RBM27: variants seen among roughly 807,000 people sequenced by gnomAD.
RBM27 encodes the protein RNA-binding protein 27.
In RBM27, 22 loss-of-function variants were observed where a neutral mutation model predicts 135.3. That is an observed-to-expected ratio of 0.16 (90% confidence interval 0.12 to 0.23). The LOEUF (loss-of-function observed/expected upper bound fraction) is 0.23, where lower values mean the gene tolerates loss of function less well. RBM27 is among the 10% of genes least tolerant of loss of function. The pLI, the probability that RBM27 is intolerant of heterozygous loss-of-function variation, is 1.00. For synonymous variants in RBM27, 481 were observed against 442.4 expected (o/e 1.09, Z -1.10); for missense variants, 1,009 against 1,281.0 (o/e 0.79, Z 3.24).
At position 146,203,629 on chromosome 5, in the gene RBM27, G is replaced by A. The variant is rs1755478311; in HGVS notation, c.-137G>A. The stretch of plus-strand genomic sequence containing the variant: ...TAGTTCCTGTTAGGCCCCGGCCGGG[G>A]GAGTAGGTTGAAGTCTCCTAAGATG... On this transcript the variant is annotated 5_prime_UTR_variant, in exon 1 of 21. Transcript: ENST00000265271. 5.3e-6 allele frequency: 4 copies of A among 750,290 alleles called. No homozygotes were observed. The highest frequency in any genetic ancestry group is 8.9e-6 in the Non-Finnish European group (4 of 448,902). 46.5% of individuals were successfully genotyped at this position (750,290 alleles called of 1,614,324 possible). A position where few individuals can be genotyped will look rare whatever the true frequency, so the allele number is the denominator to read the frequency against.
rs763408119 is a variant in RBM27 at position 146,258,635 on chromosome 5, C to T, written c.1739+42C>T. The T allele has an allele frequency of 1.7e-5, 24 of 1,431,094 alleles. No individual in the cohort carries two copies. The South Asian group carries it at 2.6e-4, about 15-fold the overall frequency. 88.6% of individuals were successfully genotyped at this position (1,431,094 alleles called of 1,614,324 possible). A position where few individuals can be genotyped will look rare whatever the true frequency, so the allele number is the denominator to read the frequency against. ...ATTAGTAGCATCTAATTGTTATTGT[C>T]GTTTGCATTGGTAAATTCATAAAAA... On this transcript the variant is annotated intron_variant, in intron 11 of 20. Coordinates refer to ENST00000265271, the MANE Select transcript of RBM27 (RefSeq NM_018989.2).
intron 15 of RBM27, 103 bp downstream of exon 15, chr5:146,267,871 C>A: frequency 1.8e-6 from 2 of 1,120,350 alleles, no homozygotes; most frequent in Non-Finnish European, 1.3e-6. Context: ...CAGGGCATAA[C>A]ATCATAATGC....
intron 11 of RBM27, 32 bp downstream of exon 11, chr5:146,258,625 T>C: frequency 6.7e-7 from 1 of 1,490,402 alleles, no homozygotes; most frequent in Non-Finnish European, 8.9e-7. Flanking sequence ...TAGCATCTAA[T>C]TGTTATTGTC....
chr5:146,222,776 G>A (rs1756511625), intron 2 of RBM27, among the ~76,000 whole-genome samples: 1 of 152,210 alleles, frequency 6.6e-6, no homozygotes, highest in Non-Finnish European at 1.5e-5. Flanking sequence ...GTCTGAGGAA[G>A]TTTCAAACAG....
Position 146,210,863 on chromosome 5 carries a change from C to T in RBM27, c.59+7039C>T, listed in dbSNP as rs192667573. 2.5e-3 allele frequency among the ~76,000 whole-genome samples: 383 copies of T among 151,970 alleles called. 4 individuals are homozygous for T. Among genetic ancestry groups the T allele is most frequent in the African/African-American group, 8.9e-3 (367 of 41,440 alleles). On this transcript the variant is annotated intron_variant, in intron 1 of 20. Transcript: ENST00000265271. ...TCAGGTGGCTGAGGCAGGAGAATGACGTGAACCTGGGAGGCGGAGGTTGCA... is the reference window on the plus strand; with the variant it reads ...TCAGGTGGCTGAGGCAGGAGAATGATGTGAACCTGGGAGGCGGAGGTTGCA...
intron 8 of RBM27, among the ~76,000 whole-genome samples, chr5:146,247,115 C>T (rs947791031): frequency 6.6e-6 from 1 of 152,134 alleles, no homozygotes; most frequent in African/African-American, 2.4e-5. Flanking sequence ...CCTCCAGCCT[C>T]AGCCTCTCAA....
rs545963169 is a variant in RBM27 at position 146,217,464 on chromosome 5, G to GTTTT, written c.60-1497_60-1494dup. ...GATTGATACTCTTGAGCTGAAGCCT[G>GTTTT]TTTTTTTTTTTTTTTTTTTTTTTTT... On this transcript the variant is annotated intron_variant, in intron 1 of 20. Transcript: ENST00000265271. Among the ~76,000 whole-genome samples, 225 of 70,772 alleles carry GTTTT rather than the reference G, an allele frequency of 3.2e-3. 35 individuals are homozygous for GTTTT. Among genetic ancestry groups the GTTTT allele is most frequent in the African/African-American group, 0.012 (204 of 16,496 alleles). The allele number at this position is 70,772 out of a possible 152,430, so 46.4% of individuals were successfully genotyped here. A position where few individuals can be genotyped will look rare whatever the true frequency, so the allele number is the denominator to read the frequency against.
In RBM27 at chr5:146,267,632, TTTTC is replaced by T; in HGVS notation, c.2332-13_2332-10del. 5 of 1,482,564 alleles carry T rather than the reference TTTTC, an allele frequency of 3.4e-6. No homozygotes were observed. Among genetic ancestry groups the T allele is most frequent in the Non-Finnish European group, 4.6e-6 (5 of 1,087,482 alleles). 91.8% of individuals were successfully genotyped at this position (1,482,564 alleles called of 1,614,324 possible). Reference sequence around the variant, plus strand: ...AATTATATTTGTGTGTGCTTTTTTTTTTTCTTTATTTTTTAGATATTTTCAACTC... The same window carrying T: ...AATTATATTTGTGTGTGCTTTTTTTTTTTATTTTTTAGATATTTTCAACTC... On this transcript the variant is annotated splice_polypyrimidine_tract_variant and intron_variant, in intron 14 of 20. Coordinates refer to ENST00000265271, the MANE Select transcript of RBM27 (RefSeq NM_018989.2).
intron 19 of RBM27, among the ~76,000 whole-genome samples, chr5:146,277,014 G>C (rs996614626): frequency 2.6e-5 from 4 of 152,174 alleles, no homozygotes; most frequent in African/African-American, 9.7e-5. Flanking sequence ...CTGTGTTCAG[G>C]GTTCTTCAGG....
intron 2 of RBM27, among the ~76,000 whole-genome samples, chr5:146,222,375 A>G (rs1581152617): frequency 6.6e-6 from 1 of 152,224 alleles, no homozygotes; most frequent in Non-Finnish European, 1.5e-5. Context: ...AATCAAAGTT[A>G]TTTAGATTTG....
At chr5:146,241,940 T>C (rs952697587) in intron 8 of RBM27, among the ~76,000 whole-genome samples, 1 of 152,160 alleles carries the variant, frequency 6.6e-6, no homozygotes, top group Non-Finnish European at 1.5e-5. Context: ...ATAATCTTTT[T>C]AAAAATTTAT....
At chr5:146,234,181 T>C (rs897385520) in intron 7 of RBM27, among the ~76,000 whole-genome samples, 6 of 152,160 alleles carry the variant, frequency 3.9e-5, no homozygotes, top group Non-Finnish European at 1.5e-5. Context: ...GGAAAGCCAG[T>C]TTTTAAGATG....
At chr5:146,244,900 G>T (rs1416325155) in intron 8 of RBM27, among the ~76,000 whole-genome samples, 6 of 151,770 alleles carry the variant, frequency 4.0e-5, no homozygotes, top group Non-Finnish European at 8.8e-5. Flanking sequence ...TAGAAATAGG[G>T]TCTTGCTCTG....
intron 1 of RBM27, among the ~76,000 whole-genome samples, chr5:146,216,653 C>T (rs183224703): frequency 1.7e-4 from 26 of 152,148 alleles, no homozygotes; most frequent in Admixed American, 1.7e-3. Context: ...AAAATCTTTA[C>T]TTTCTTTTAT....
intron 19 of RBM27, 93 bp downstream of exon 19, chr5:146,271,767 A>C: frequency 9.0e-7 from 1 of 1,113,220 alleles, no homozygotes. Flanking sequence ...TGTTTTATAG[A>C]TTAGAAAAAT....
chr5:146,223,442 A>G lies in RBM27; in HGVS notation c.218A>G (p.Tyr73Cys), dbSNP rs912153682. ...GFVDKLFESLYTKNYLPLLEP... is the reference protein window; with the variant it reads ...GFVDKLFESLCTKNYLPLLEP... The stretch of plus-strand genomic sequence containing the variant: ...GTGGACAAACTATTTGAAAGTCTCT[A>G]TACTAAGAACTACCTTCCACTTTTG... The change falls in exon 3 of 21, where the codon TAT becomes TGT. Residue 73 changes from tyrosine (Y) to cysteine (C), a missense_variant. Tyr to Cys is a radical substitution (Grantham distance 194). Around this residue, in one of 6 missense-constraint regions of RBM27, gnomAD observed 268 missense variants for 326.6 expected, o/e 0.82. Coordinates refer to ENST00000265271, the MANE Select transcript of RBM27 (RefSeq NM_018989.2). The G allele has an allele frequency of 2.3e-5, 37 of 1,610,848 alleles. No individual in the cohort carries two copies. The highest frequency in any genetic ancestry group is 3.0e-5 in the Non-Finnish European group (35 of 1,178,682).
At chr5:146,248,736 A>T (rs1422650519) in intron 8 of RBM27, among the ~76,000 whole-genome samples, 1 of 152,082 alleles carries the variant, frequency 6.6e-6, no homozygotes, top group Non-Finnish European at 1.5e-5. Flanking sequence ...AAAGTGCTGT[A>T]ATCACAGGTG....
At chr5:146,217,263 G>A (rs1320582083) in intron 1 of RBM27, among the ~76,000 whole-genome samples, 2 of 152,010 alleles carry the variant, frequency 1.3e-5, no homozygotes, top group African/African-American at 4.8e-5. Flanking sequence ...CACCGTGCCC[G>A]GCCAGGTGAA....
intron 15 of RBM27, among the ~76,000 whole-genome samples, chr5:146,268,526 G>A (rs192239609): frequency 1.3e-5 from 2 of 152,260 alleles, no homozygotes; most frequent in East Asian, 3.9e-4. Flanking sequence ...ACAGGTGTGA[G>A]CCACTATGCC....
Sources: gnomAD v4.1 joint callset for allele counts (sites outside exome capture counted in the v4.1 genomes callset) on GRCh38, gnomAD v4.1.1 for gene constraint, gnomAD v4.1.1 regional missense constraint, MANE v1.5 for transcripts, NCBI Gene and HGNC (gene_info 2026-07-23, HGNC 2026-07-21) for gene names.